Variants in NFASC observed in about 807,000 individuals in gnomAD.
NFASC encodes the protein neurofascin.
In NFASC, 43 loss-of-function variants were observed where a neutral mutation model predicts 147.5. The ratio of observed to expected loss-of-function variants is 0.29; its 90% CI spans 0.23 to 0.38. NFASC has a LOEUF of 0.38. Among genes scored for constraint, NFASC ranks in the 10% least tolerant of loss-of-function variants. The probability of loss-of-function intolerance (pLI) is 1.00; values close to 1 mark genes in which losing one functional copy is unlikely to be tolerated. For synonymous variants in NFASC, 622 were observed against 665.5 expected (o/e 0.93, Z 1.01); for missense variants, 1,320 against 1,689.0 (o/e 0.78, Z 3.83).
intron 1 of NFASC, among the ~76,000 whole-genome samples, chr1:204,857,886 A>G (rs1330288176): frequency 6.6e-6 from 1 of 150,462 alleles, no homozygotes; most frequent in Admixed American, 6.6e-5. Context: ...CTCCCTCTGC[A>G]AATGTCTGTG....
At chr1:204,869,360 T>C (rs1316648073) in intron 1 of NFASC, among the ~76,000 whole-genome samples, 1 of 152,172 alleles carries the variant, frequency 6.6e-6, no homozygotes, top group Non-Finnish European at 1.5e-5. Flanking sequence ...GCAGAACACT[T>C]AGAAAAGATA....
At chr1:204,924,052 C>T (rs941758064) in intron 2 of NFASC, among the ~76,000 whole-genome samples, 1 of 152,260 alleles carries the variant, frequency 6.6e-6, no homozygotes, top group Non-Finnish European at 1.5e-5. Flanking sequence ...ACCACTGGAG[C>T]TAAGAGTCTT....
chr1:204,894,356 G>C (rs2082988369), intron 1 of NFASC, among the ~76,000 whole-genome samples: 1 of 152,192 alleles, frequency 6.6e-6, no homozygotes, highest in African/African-American at 2.4e-5. Context: ...ATGGCTGTTG[G>C]GTAGGAGGAA....
At chr1:204,997,576 G>T in intron 25 of NFASC, 170 bp downstream of exon 25, 1 of 752,380 alleles carries the variant, frequency 1.3e-6, no homozygotes, top group Non-Finnish European at 2.3e-6. Flanking sequence ...GCTCAGTCCC[G>T]TAGCCTGGAG....
chr1:204,871,441 C>T (rs562310707), intron 1 of NFASC, among the ~76,000 whole-genome samples: 7 of 152,210 alleles, frequency 4.6e-5, no homozygotes, highest in African/African-American at 9.6e-5. Flanking sequence ...AGTGAGATGC[C>T]GGAGAGCATT....
intron 1 of NFASC, among the ~76,000 whole-genome samples, chr1:204,829,499 C>A (rs1671600692): frequency 6.6e-6 from 1 of 152,144 alleles, no homozygotes; most frequent in South Asian, 2.1e-4. Flanking sequence ...CCCCCCTTCC[C>A]TGGGTGGGGA....
At chr1:204,959,594 T>C (rs1483340150) in intron 8 of NFASC, among the ~76,000 whole-genome samples, 1 of 152,184 alleles carries the variant, frequency 6.6e-6, no homozygotes, top group Non-Finnish European at 1.5e-5. Context: ...GAGCTGAGCC[T>C]GGACAGCCAT....
intron 1 of NFASC, among the ~76,000 whole-genome samples, chr1:204,853,230 T>C (rs1415173248): frequency 6.6e-6 from 1 of 152,214 alleles, no homozygotes; most frequent in African/African-American, 2.4e-5. Context: ...TTGGAGTCCA[T>C]ATTAGAAGTG....
rs2096224026 is a variant in NFASC, at chr1:205,010,083, A to C, written c.3421+395A>C. 1 of 214,424 alleles carries C rather than the reference A, an allele frequency of 4.7e-6. No homozygotes were observed. The highest frequency in any genetic ancestry group is 5.1e-5 in the Admixed American group (1 of 19,672). 13.3% of individuals were successfully genotyped at this position (214,424 alleles called of 1,614,324 possible). A position where few individuals can be genotyped will look rare whatever the true frequency, so the allele number is the denominator to read the frequency against. The stretch of plus-strand genomic sequence containing the variant: ...GGCATTTTCCCTAACCGTGTCCCAG[A>C]GAATGGGGAGAGGAGGGGCCTGGGC... On this transcript the variant is annotated intron_variant, in intron 28 of 29. Coordinates refer to ENST00000339876, the MANE Select transcript of NFASC (RefSeq NM_001005388.3). The surrounding 1 kb of genome is among the most constrained non-coding windows in gnomAD (Gnocchi z 4.1).
intron 1 of NFASC, among the ~76,000 whole-genome samples, chr1:204,875,408 A>G (rs1486368846): frequency 1.3e-5 from 2 of 152,222 alleles, no homozygotes; most frequent in Admixed American, 6.5e-5. Context: ...TCTGCCTCCC[A>G]GAAGTCACAT....
At chr1:204,847,127 G>A (rs1409707372) in intron 1 of NFASC, among the ~76,000 whole-genome samples, 1 of 152,110 alleles carries the variant, frequency 6.6e-6, no homozygotes, top group Non-Finnish European at 1.5e-5. Context: ...ACCAGTGGGA[G>A]GACACATGGG....
chr1:204,867,464 AAC>A (rs2077208315), intron 1 of NFASC, among the ~76,000 whole-genome samples: 1 of 150,264 alleles, frequency 6.7e-6, no homozygotes, highest in Admixed American at 6.6e-5. Context: ...AACCCAAGAA[AAC>A]ACATATTCAA....
chr1:204,868,219 G>A (rs572699251), intron 1 of NFASC, among the ~76,000 whole-genome samples: 1 of 152,326 alleles, frequency 6.6e-6, no homozygotes, highest in South Asian at 2.1e-4. Context: ...AGTCCCTGTG[G>A]GCTGCACTTG....
rs777629619 is a variant in NFASC, at chr1:204,997,265, G to C, written c.2878G>C (p.Val960Leu). Residue 960 changes from valine to leucine, a missense_variant, in exon 25 of 30, where the codon GTC becomes CTC. Around this residue, in one of 3 missense-constraint regions of NFASC, gnomAD observed 172 missense variants for 165.8 expected, o/e 1.04. Coordinates refer to ENST00000339876, the MANE Select transcript of NFASC (RefSeq NM_001005388.3). Reference protein sequence around the residue: ...AIAATTEATTVPIIPTVAPTT... With the variant: ...AIAATTEATTLPIIPTVAPTT... ...TGCTGCCACCACCGAAGCCACAACA[G>C]TCCCCATCATCCCAACTGTCGCACC... 1.9e-6 allele frequency: 3 copies of C among 1,613,048 alleles called. No homozygotes were observed.
intron 29 of NFASC, among the ~76,000 whole-genome samples, chr1:205,013,134 G>A (rs908753571): frequency 6.6e-6 from 1 of 152,230 alleles, no homozygotes; most frequent in African/African-American, 2.4e-5. Flanking sequence ...TTGACGAACA[G>A]CATTTCATTC....
rs112744201 is a variant in NFASC, at chr1:204,831,595, C to A, written c.-200+2813C>A. Among the ~76,000 whole-genome samples the A allele has an allele frequency of 8.0e-3, 1,219 of 151,996 alleles. 15 individuals are homozygous for A. Among genetic ancestry groups the A allele is most frequent in the African/African-American group, 0.028 (1,152 of 41,440 alleles). On this transcript the variant is annotated intron_variant, in intron 1 of 29. Coordinates refer to ENST00000339876, the MANE Select transcript of NFASC (RefSeq NM_001005388.3). Reference sequence around the variant, plus strand: ...AGAGGCACCCTGAGATCTTCAAGACCATGGAGGAGCTGGAGTGTGAGAATC... The same window carrying A: ...AGAGGCACCCTGAGATCTTCAAGACAATGGAGGAGCTGGAGTGTGAGAATC...
intron 26 of NFASC, among the ~76,000 whole-genome samples, chr1:205,001,548 G>A (rs949858934): frequency 6.6e-6 from 1 of 152,134 alleles, no homozygotes; most frequent in African/African-American, 2.4e-5. Context: ...CCTGGGTAAA[G>A]GGGCCCTTCA....
At chr1:204,915,103 C>A (rs1290134968) in intron 1 of NFASC, among the ~76,000 whole-genome samples, 2 of 152,046 alleles carry the variant, frequency 1.3e-5, no homozygotes, top group Admixed American at 1.3e-4. Flanking sequence ...CATGGTGAAA[C>A]CCCGTCTCTA....
chr1:204,878,904 T>C (rs1199308054), intron 1 of NFASC, among the ~76,000 whole-genome samples: 2 of 152,204 alleles, frequency 1.3e-5, no homozygotes, highest in Non-Finnish European at 1.5e-5. Context: ...GGACAGATCT[T>C]TGGAGAGGCC....
Sources: allele counts gnomAD v4.1 joint callset (sites outside exome capture counted in the v4.1 genomes callset), GRCh38; gene constraint gnomAD v4.1.1; regional missense constraint gnomAD v4.1.1; non-coding constraint Gnocchi (gnomAD v3.1); transcripts MANE v1.5; gene names NCBI Gene and HGNC (gene_info 2026-07-23, HGNC 2026-07-21).